The following VPS13B variants were observed in gnomAD, a reference collection of about 807,000 sequenced individuals.
VPS13B encodes the protein intermembrane lipid transfer protein VPS13B.
VPS13B carries 285 observed loss-of-function variants against 426.4 expected under a neutral mutation model. The ratio of observed to expected loss-of-function variants is 0.67; its 90% CI spans 0.61 to 0.74. VPS13B has a LOEUF of 0.74. Among genes scored for constraint, VPS13B ranks in the 30% least tolerant of loss-of-function variants. The pLI, the probability that VPS13B is intolerant of heterozygous loss-of-function variation, is 0.00. For synonymous variants in VPS13B, 1,676 were observed against 1,676.4 expected, an observed-to-expected ratio of 1.00 and a Z score of 0.01; for missense variants, 4,537 against 4,782.6, an observed-to-expected ratio of 0.95 and a Z score of 1.51.
intron 2 of VPS13B, among the ~76,000 whole-genome samples, chr8:99,029,089 C>T (rs1842349385): frequency 6.6e-6 from 1 of 151,290 alleles, no homozygotes; most frequent in Non-Finnish European, 1.5e-5. Context: ...ACGCTCCTCA[C>T]CTCCCAGACA....
chr8:99,678,571 T>G (rs1831034372), intron 35 of VPS13B, among the ~76,000 whole-genome samples: 1 of 150,620 alleles, frequency 6.6e-6, no homozygotes, highest in Non-Finnish European at 1.5e-5. Flanking sequence ...CTGATTCTGT[T>G]TTTTTTTTTT....
At chr8:99,663,583 A>G (rs1169965376) in intron 35 of VPS13B, among the ~76,000 whole-genome samples, 1 of 152,182 alleles carries the variant, frequency 6.6e-6, no homozygotes, top group African/African-American at 2.4e-5. Context: ...TGAAAAAAAC[A>G]TATGCTCTTT....
intron 16 of VPS13B, among the ~76,000 whole-genome samples, chr8:99,174,427 T>C (rs1168085757): frequency 6.6e-6 from 1 of 152,200 alleles, no homozygotes; most frequent in Non-Finnish European, 1.5e-5. Context: ...GCAACAGTGA[T>C]GGAAAAAGGT....
chr8:99,697,807 T>G (rs968944001), intron 35 of VPS13B: 3 of 611,798 alleles, frequency 4.9e-6, no homozygotes, highest in African/African-American at 1.8e-5. Context: ...TCAGGCACAT[T>G]CCAGAAAGCA....
rs182873931 is a variant in VPS13B, at chr8:99,775,063, A to G, written c.7248-1712A>G. ...GTTTCACAACCTCTTTCAAAACCCA[A>G]TGGAAGATTCACACCTCTGAAAATC... On this transcript the variant is annotated intron_variant, in intron 40 of 61. Coordinates refer to ENST00000357162, the MANE Select transcript of VPS13B (RefSeq NM_152564.5). Among the ~76,000 whole-genome samples the G allele has an allele frequency of 3.6e-3, 550 of 152,288 alleles. 3 individuals carry two copies. Among genetic ancestry groups the G allele is most frequent in the Non-Finnish European group, 5.3e-3 (362 of 68,026 alleles).
At chr8:99,559,498 T>A (rs915454431) in intron 31 of VPS13B, among the ~76,000 whole-genome samples, 3 of 152,214 alleles carry the variant, frequency 2.0e-5, no homozygotes, top group Non-Finnish European at 4.4e-5. Flanking sequence ...GTGTCCTGAA[T>A]GGTATTGCCT....
At chr8:99,581,499 A>G (rs370028270) in intron 33 of VPS13B, among the ~76,000 whole-genome samples, 1 of 152,326 alleles carries the variant, frequency 6.6e-6, no homozygotes, top group East Asian at 1.9e-4. Flanking sequence ...CACTAGACCA[A>G]TGGGCCTGTA....
At chr8:99,726,993 C>A (rs1472051256) in intron 39 of VPS13B, among the ~76,000 whole-genome samples, 1 of 152,048 alleles carries the variant, frequency 6.6e-6, no homozygotes. Context: ...TGTTTTGCAC[C>A]CAGCACTGTG....
At chr8:99,272,965 G>C (rs1401380439) in intron 17 of VPS13B, among the ~76,000 whole-genome samples, 1 of 152,032 alleles carries the variant, frequency 6.6e-6, no homozygotes, top group Non-Finnish European at 1.5e-5. Context: ...GAGCACTTTT[G>C]ATTTTTGATT....
chr8:99,832,269 A>AC (rs1815107187), intron 51 of VPS13B, 100 bp from the exon 52 acceptor site: 2 of 1,415,512 alleles, frequency 1.4e-6, no homozygotes, highest in Non-Finnish European at 1.9e-6. Flanking sequence ...CAAAAAAAAA[A>AC]AAGAAAAGAA....
intron 20 of VPS13B, among the ~76,000 whole-genome samples, chr8:99,387,160 A>G (rs1190945231): frequency 6.6e-6 from 1 of 152,150 alleles, no homozygotes; most frequent in African/African-American, 2.4e-5. Flanking sequence ...ATATTTTAAG[A>G]CTTTTGTTGT....
chr8:99,539,244 A>G (rs920877883), intron 30 of VPS13B, among the ~76,000 whole-genome samples: 2 of 152,192 alleles, frequency 1.3e-5, no homozygotes, highest in African/African-American at 4.8e-5. Context: ...TAGGTACAAT[A>G]ATTTTCTGCA....
At chr8:99,849,990 T>C (rs1816181033) in intron 55 of VPS13B, among the ~76,000 whole-genome samples, 1 of 130,176 alleles carries the variant, frequency 7.7e-6, no homozygotes, top group Non-Finnish European at 1.6e-5. Flanking sequence ...CATACCTACA[T>C]AAGTACGCAT....
chr8:99,388,999 G>A (rs555015692), intron 20 of VPS13B, among the ~76,000 whole-genome samples: 2 of 151,970 alleles, frequency 1.3e-5, no homozygotes, highest in East Asian at 3.9e-4. Context: ...AAATACAAAC[G>A]TTAGCTGGGC....
intron 24 of VPS13B, among the ~76,000 whole-genome samples, chr8:99,480,140 G>A (rs1164137596): frequency 6.6e-6 from 1 of 152,142 alleles, no homozygotes; most frequent in African/African-American, 2.4e-5. Context: ...AGCACAACTT[G>A]AAGGATAAAA....
At chr8:99,255,304 G>C (rs1168355468) in intron 17 of VPS13B, among the ~76,000 whole-genome samples, 1 of 152,030 alleles carries the variant, frequency 6.6e-6, no homozygotes, top group South Asian at 2.1e-4. Context: ...CAAGCAAAAT[G>C]TTAATTGGAG....
chr8:99,163,422 G>T (rs879794695), intron 15 of VPS13B, among the ~76,000 whole-genome samples: 1 of 152,230 alleles, frequency 6.6e-6, no homozygotes, highest in Non-Finnish European at 1.5e-5. Flanking sequence ...TTGGGTGGTC[G>T]ATGGGACTGG....
At chr8:99,293,566 T>C (rs1819858838) in intron 19 of VPS13B, among the ~76,000 whole-genome samples, 1 of 118,184 alleles carries the variant, frequency 8.5e-6, no homozygotes, top group Non-Finnish European at 1.8e-5. Context: ...CTAAAGAGCT[T>C]CTGCACAGCA....
chr8:99,609,582 T>C (rs1360521322), intron 33 of VPS13B, among the ~76,000 whole-genome samples: 1 of 152,190 alleles, frequency 6.6e-6, no homozygotes, highest in Non-Finnish European at 1.5e-5. Flanking sequence ...AATCAGTTAG[T>C]ACAGCTTGCA....
Sources: gnomAD v4.1 joint callset for allele counts (sites outside exome capture counted in the v4.1 genomes callset) on GRCh38, gnomAD v4.1.1 for gene constraint, MANE v1.5 for transcripts, NCBI Gene and HGNC (gene_info 2026-07-23, HGNC 2026-07-21) for gene names.